Variants in NOP56 observed in about 807,000 individuals in gnomAD.
NOP56 encodes NOP56 ribonucleoprotein, also known as nucleolar protein 56.
A neutral mutation model predicts 58.3 loss-of-function variants in NOP56; 31 were observed. The observed-to-expected ratio is 0.53, with a 90% CI of 0.40 to 0.72. NOP56 has a LOEUF of 0.72. Among genes scored for constraint, NOP56 ranks in the 30% least tolerant of loss-of-function variants. NOP56 has a pLI of 0.00. For synonymous variants in NOP56, 313 were observed against 282.8 expected, an observed-to-expected ratio of 1.11 and a Z score of -1.07; for missense variants, 669 against 739.9, an observed-to-expected ratio of 0.90 and a Z score of 1.11.
rs773837556 is a variant in NOP56, at chr20:2,655,319, T to G, written c.570-6T>G. 1 of 1,614,190 alleles carries G rather than the reference T, an allele frequency of 6.2e-7. No individual in the cohort carries two copies. The highest frequency in any genetic ancestry group is 1.3e-5 in the African/African-American group (1 of 75,048). Reference sequence around the variant, plus strand: ...TGGGCCAGGGAGTGACTGTGGCTCTTTGCAGGGAGTGGTACGGGTATCACT... The same window carrying G: ...TGGGCCAGGGAGTGACTGTGGCTCTGTGCAGGGAGTGGTACGGGTATCACT... On this transcript the variant is annotated splice_region_variant and splice_polypyrimidine_tract_variant and intron_variant, in intron 5 of 11. Transcript: ENST00000329276.
chr20:2,652,735 G>C (rs1329643945), intron 1 of NOP56, 72 bp downstream of exon 1: 4 of 1,462,472 alleles, frequency 2.7e-6, no homozygotes, highest in Non-Finnish European at 2.8e-6. Context: ...CGCAGACAGG[G>C]CCTGGGCCTG....
chr20:2,656,221 G>A (rs571234331), intron 8 of NOP56, 180 bp from the exon 9 acceptor site: 24 of 1,604,486 alleles, frequency 1.5e-5, no homozygotes, highest in Middle Eastern at 1.7e-4. Flanking sequence ...CCAGGTCAGC[G>A]ACATTGGATG....
Position 2,655,459 on chromosome 20 carries a change from C to A in NOP56, c.704C>A (p.Thr235Lys). 1 of 1,614,142 alleles carries A rather than the reference C, an allele frequency of 6.2e-7. No individual in the cohort carries two copies. The highest frequency in any genetic ancestry group is 8.5e-7 in the Non-Finnish European group (1 of 1,180,018). The change falls in exon 6 of 12, where the codon ACA becomes AAA. Residue 235 changes from threonine to lysine, a missense_variant. Thr to Lys is a moderately conservative substitution (Grantham distance 78). This residue lies in a region of NOP56 where 339 missense variants were observed against 430.5 expected (regional missense o/e 0.79). Coordinates refer to ENST00000329276, the MANE Select transcript of NOP56 (RefSeq NM_006392.4). ...EDKLEKLEEL[T>K]MDGAKAKAIL... The stretch of plus-strand genomic sequence containing the variant: ...AAGCTGGAGAAGCTGGAGGAGCTGA[C>A]AATGGATGGGGCCAAGGCTAAGGCT...
At position 2,657,191 on chromosome 20, in the gene NOP56, C is replaced by T. The variant is rs201138927; in HGVS notation, c.1392C>T (p.Asn464=). The change falls in exon 11 of 12, where the codon AAC becomes AAT. Residue 464 remains asparagine (N), a synonymous_variant. Coordinates refer to ENST00000329276, the MANE Select transcript of NOP56 (RefSeq NM_006392.4). ...LAALALASSE[N]SSSTPEECEE... is the part of the protein sequence containing the mutation. ...CACTTGCCCTCGCGTCTTCAGAAAA[C>T]AGCAGTAGTACTCCAGAGGAGTGTG... The T allele has an allele frequency of 5.0e-5, 81 of 1,614,064 alleles. No homozygotes were observed. The Admixed American group carries it at 1.3e-3, about 27-fold the overall frequency.
chr20:2,653,563 A>T, intron 3 of NOP56, 170 bp downstream of exon 3: 1 of 619,508 alleles, frequency 1.6e-6, no homozygotes, highest in Non-Finnish European at 2.9e-6. Flanking sequence ...CACAGAGCTC[A>T]AGGTCTGGGA....
intron 8 of NOP56, 139 bp downstream of exon 8, chr20:2,656,173 C>G (rs368489824): frequency 6.8e-6 from 11 of 1,607,684 alleles, no homozygotes; most frequent in South Asian, 1.1e-5. Context: ...GTCCTGGTGT[C>G]TGAGTGATTC....
rs1431520427 is a variant in NOP56 at position 2,657,213 on chromosome 20, T to C, written c.1414T>C (p.Cys472Arg). ...AAACAGCAGTAGTACTCCAGAGGAG[T>C]GTGAGGTCAGTAGGCAGCACGGCCC... is the stretch of plus-strand genomic sequence containing the variant. ...SENSSSTPEE[C>R]EEMSEKPKKK... is the part of the protein sequence containing the mutation. The change falls in exon 11 of 12, where the codon TGT becomes CGT. Residue 472 changes from cysteine (C) to arginine (R), a missense_variant. Physicochemically the swap from Cys to Arg is radical, Grantham distance 180 (BLOSUM62 -3). Around this residue, in one of 3 missense-constraint regions of NOP56, gnomAD observed 209 missense variants for 196.2 expected, o/e 1.07. Transcript: ENST00000329276. 1.2e-6 allele frequency: 2 copies of C among 1,613,696 alleles called. No homozygotes were observed. The highest frequency in any genetic ancestry group is 2.2e-5 in the East Asian group (1 of 44,850).
intron 3 of NOP56, 48 bp from the exon 4 acceptor site, chr20:2,654,366 T>G (rs3818060): frequency 0.087 from 140,182 of 1,608,802 alleles, 7,370 homozygotes; most frequent in East Asian, 0.23. Context: ...GATGTTAGAG[T>G]TGATCGTCCT....
At position 2,658,375 on chromosome 20, in the gene NOP56, T is replaced by C; in HGVS notation, c.*81T>C. 1 of 1,609,590 alleles carries C rather than the reference T, an allele frequency of 6.2e-7. No individual in the cohort carries two copies. The highest frequency in any genetic ancestry group is 8.5e-7 in the Non-Finnish European group (1 of 1,178,034). On this transcript the variant is annotated 3_prime_UTR_variant, in exon 12 of 12. Transcript: ENST00000329276. ...TCCCACCCTGTGCCGTGTTCCCCAATAAAAACAAATTCACAAGAGTTGGTT... is the reference window on the plus strand; with the variant it reads ...TCCCACCCTGTGCCGTGTTCCCCAACAAAAACAAATTCACAAGAGTTGGTT...
chr20:2,654,286 A>G (rs779076813), intron 3 of NOP56, 128 bp from the exon 4 acceptor site: 8 of 939,060 alleles, frequency 8.5e-6, no homozygotes, highest in Middle Eastern at 2.1e-4. Flanking sequence ...TCTCTGAGCA[A>G]TGCCTGATGG....
chr20:2,656,578 G>C (rs1349531301), intron 9 of NOP56, 29 bp downstream of exon 9: 1 of 1,610,730 alleles, frequency 6.2e-7, no homozygotes, highest in Non-Finnish European at 8.5e-7. Context: ...TGGCAGGTGT[G>C]AGAAGGGGCT....
At position 2,655,619 on chromosome 20, in the gene NOP56, TG is replaced by T. The variant is rs746158455; in HGVS notation, c.783del (p.Ile262Ter). On this transcript the variant is annotated frameshift_variant, in exon 7 of 12. Transcript: ENST00000329276. LOFTEE classifies it high-confidence loss of function. ...SMGMDISAID[L>X]INIESFSSRV... is the part of the protein sequence containing the mutation. ...GGCATGGACATATCTGCCATTGACT[TG>T]ATAAACATCGAGAGCTTCTCCAGTC... 6.2e-7 allele frequency: 1 copy of T among 1,614,178 alleles called. No homozygotes were observed. The highest frequency in any genetic ancestry group is 8.5e-7 in the Non-Finnish European group (1 of 1,180,026).
rs1600161249 is a variant in NOP56, at chr20:2,657,209, G to A, written c.1410G>A (p.Glu470=). 6.2e-7 allele frequency: 1 copy of A among 1,614,188 alleles called. No individual in the cohort carries two copies. Among genetic ancestry groups the A allele is most frequent in the Non-Finnish European group, 8.5e-7 (1 of 1,180,036 alleles). The part of the protein sequence containing the change: ...ASSENSSSTP[E]ECEEMSEKPK... ...CAGAAAACAGCAGTAGTACTCCAGA[G>A]GAGTGTGAGGTCAGTAGGCAGCACG... The change falls in exon 11 of 12, where the codon GAG becomes GAA. Residue 470 remains glutamate (E), a synonymous_variant. Transcript: ENST00000329276.
rs742843 is a variant in NOP56, at chr20:2,655,381, C to T, written c.626C>T (p.Thr209Ile). The change falls in exon 6 of 12, where the codon ACA (threonine) becomes ATA (isoleucine). Residue 209 changes from threonine to isoleucine, a missense_variant. This residue lies in a region of NOP56 where 339 missense variants were observed against 430.5 expected (regional missense o/e 0.79). Coordinates refer to ENST00000329276, the MANE Select transcript of NOP56 (RefSeq NM_006392.4). ...GTGAAGATCATCAACGACAATGCCA[C>T]ATACTGCCGTCTTGCCCAGTTTATT... ...ELVKIINDNA[T>I]YCRLAQFIGN... The T allele has an allele frequency of 2.4e-4, 382 of 1,614,122 alleles. 3 individuals carry two copies. In the Middle Eastern group the frequency reaches 0.011, roughly 45 times the overall value.
rs987647159 is a variant in NOP56, at chr20:2,656,310, C to T, written c.1011-91C>T. ...AATCTGGCCTGAGGCTCACTCAGGACTTCGGGGTGAGAGGAGGGGAGGAGC... is the reference window on the plus strand; with the variant it reads ...AATCTGGCCTGAGGCTCACTCAGGATTTCGGGGTGAGAGGAGGGGAGGAGC... On this transcript the variant is annotated intron_variant, in intron 8 of 11. Coordinates refer to ENST00000329276, the MANE Select transcript of NOP56 (RefSeq NM_006392.4). 3 of 1,603,618 alleles carry T rather than the reference C, an allele frequency of 1.9e-6. No homozygotes were observed. The African/African-American group carries it at 4.0e-5, about 21-fold the overall frequency.
chr20:2,653,029 T>C, intron 2 of NOP56, 98 bp downstream of exon 2: 1 of 1,142,254 alleles, frequency 8.8e-7, no homozygotes, highest in Admixed American at 2.5e-5. Flanking sequence ...GCCGAGCGGT[T>C]CGGGGCGGGG....
chr20:2,657,698 TG>T lies in NOP56; in HGVS notation c.1420-230del, dbSNP rs1249102374. On this transcript the variant is annotated intron_variant, in intron 11 of 11. Coordinates refer to ENST00000329276, the MANE Select transcript of NOP56 (RefSeq NM_006392.4). ...GTTCTGTTGCGACCAGCATGGTGGG[TG>T]TTTTTTAGGTTTTTTTTTTTAATGG... The T allele has an allele frequency of 5.5e-6, 3 of 545,058 alleles. No individual in the cohort carries two copies. The African/African-American group carries it at 5.7e-5, about 10-fold the overall frequency. The allele number at this position is 545,058 out of a possible 1,614,324, so 33.8% of individuals were successfully genotyped here. A position where few individuals can be genotyped will look rare whatever the true frequency, so the allele number is the denominator to read the frequency against.
At position 2,655,629 on chromosome 20, in the gene NOP56, C is replaced by G. The variant is rs147425088; in HGVS notation, c.792C>G (p.Ile264Met). 10 of 1,614,044 alleles carry G rather than the reference C, an allele frequency of 6.2e-6. No homozygotes were observed. The highest frequency in any genetic ancestry group is 7.6e-6 in the Non-Finnish European group (9 of 1,180,034). Residue 264 changes from isoleucine (I) to methionine (M), a missense_variant, in exon 7 of 12, where the codon ATC (isoleucine) becomes ATG (methionine). Physicochemically the swap from Ile to Met is conservative, Grantham distance 10. This residue lies in a region of NOP56 where 339 missense variants were observed against 430.5 expected (regional missense o/e 0.79). Transcript: ENST00000329276. ...TATCTGCCATTGACTTGATAAACAT[C>G]GAGAGCTTCTCCAGTCGTGTGGTGT... ...MDISAIDLINIESFSSRVVSL... is the reference protein window; with the variant it reads ...MDISAIDLINMESFSSRVVSL...
At position 2,656,314 on chromosome 20, in the gene NOP56, G is replaced by A. The variant is rs1057325369; in HGVS notation, c.1011-87G>A. On this transcript the variant is annotated intron_variant, in intron 8 of 11. Coordinates refer to ENST00000329276, the MANE Select transcript of NOP56 (RefSeq NM_006392.4). ...TGGCCTGAGGCTCACTCAGGACTTC[G>A]GGGTGAGAGGAGGGGAGGAGCTGAG... The A allele has an allele frequency of 1.7e-4, 277 of 1,603,856 alleles. 1 individual carries two copies. The highest frequency in any genetic ancestry group is 3.7e-5 in the Non-Finnish European group (43 of 1,173,748).
Sources: allele counts gnomAD v4.1 joint callset, GRCh38; gene constraint gnomAD v4.1.1; regional missense constraint gnomAD v4.1.1; transcripts MANE v1.5; gene names NCBI Gene and HGNC (gene_info 2026-07-23, HGNC 2026-07-21).